OCIAD2: variants seen among roughly 807,000 people sequenced by gnomAD.
The protein encoded by OCIAD2 is OCIA domain-containing protein 2.
A neutral mutation model predicts 22.9 loss-of-function variants in OCIAD2; 29 were observed. The ratio of observed to expected loss-of-function variants is 1.27; its 90% CI spans 0.94 to 1.73. The LOEUF (loss-of-function observed/expected upper bound fraction) is 1.73, where lower values mean the gene tolerates loss of function less well. Among genes scored for constraint, OCIAD2 ranks in the 40% most tolerant of loss-of-function variants. OCIAD2 has a pLI of 0.00. For missense variants in OCIAD2, 189 were observed against 180.3 expected (o/e 1.05, Z -0.28); for synonymous variants, 67 against 60.2 (o/e 1.11, Z -0.52).
chr4:48,892,342 A>G (rs894632710), intron 6 of OCIAD2, among the ~76,000 whole-genome samples: 3 of 152,204 alleles, frequency 2.0e-5, no homozygotes, highest in African/African-American at 7.2e-5. Flanking sequence ...ACCAAGTACT[A>G]TAACAGCAGA....
rs1040446251 is a variant in OCIAD2, at chr4:48,906,680, G to C, written c.-85C>G. 1.3e-5 allele frequency: 2 copies of C among 152,504 alleles called. No homozygotes were observed. The highest frequency in any genetic ancestry group is 2.9e-5 in the Non-Finnish European group (2 of 68,306). 9.4% of individuals were successfully genotyped at this position (152,504 alleles called of 1,614,324 possible). A position where few individuals can be genotyped will look rare whatever the true frequency, so the allele number is the denominator to read the frequency against. On this transcript the variant is annotated 5_prime_UTR_variant, in exon 1 of 7. Transcript: ENST00000508632. ...CACCTGTGTGGTCTGGGTCGCCTCCGAGGCCGAGTCCCTCGTTGCCAAGCC... is the reference window on the plus strand; with the variant it reads ...CACCTGTGTGGTCTGGGTCGCCTCCCAGGCCGAGTCCCTCGTTGCCAAGCC...
chr4:48,888,540 C>T (rs891680812), intron 6 of OCIAD2, among the ~76,000 whole-genome samples: 1 of 152,126 alleles, frequency 6.6e-6, no homozygotes, highest in Non-Finnish European at 1.5e-5. Context: ...GAGTTTTTAG[C>T]ATGAAGGGCT....
At position 48,892,573 on chromosome 4, in the gene OCIAD2, T is replaced by C. The variant is rs191393730; in HGVS notation, c.383+199A>G. 2.1e-3 allele frequency among the ~76,000 whole-genome samples: 326 copies of C among 152,328 alleles called. 7 individuals are homozygous for C. The highest frequency in any genetic ancestry group is 1.6e-4 in the Non-Finnish European group (11 of 68,036). On this transcript the variant is annotated intron_variant, in intron 6 of 6. Coordinates refer to ENST00000508632, the MANE Select transcript of OCIAD2 (RefSeq NM_001014446.3). ...ACAGTAGATTCCCATTAAATATTTA[T>C]CAAACAAATGAAATTGGTAAGTAAG...
chr4:48,905,481 G>A (rs1781505271), intron 1 of OCIAD2, among the ~76,000 whole-genome samples: 2 of 151,886 alleles, frequency 1.3e-5, no homozygotes, highest in African/African-American at 2.4e-5. Flanking sequence ...GATACAGAGG[G>A]GAGGGAATTT....
At chr4:48,892,589 GGTAA>G (rs948847421) in intron 6 of OCIAD2, among the ~76,000 whole-genome samples, 179 bp downstream of exon 6, 2 of 152,068 alleles carry the variant, frequency 1.3e-5, no homozygotes, top group Non-Finnish European at 2.9e-5. Context: ...AAATGAAATT[GGTAA>G]GTAAGTGTAA....
chr4:48,885,413 A>C lies in OCIAD2; in HGVS notation c.*71T>G. ...TTCCATTAGAAGTATTTTATTTTAA[A>C]GTACACTTGAAATTTTAAATGTGTA... On this transcript the variant is annotated 3_prime_UTR_variant, in exon 7 of 7. Transcript: ENST00000508632. The C allele has an allele frequency of 2.4e-6, 2 of 829,336 alleles. No homozygotes were observed. The highest frequency in any genetic ancestry group is 4.2e-6 in the Non-Finnish European group (2 of 478,322). The allele number at this position is 829,336 out of a possible 1,614,324, so 51.4% of individuals were successfully genotyped here. A position where few individuals can be genotyped will look rare whatever the true frequency, so the allele number is the denominator to read the frequency against.
chr4:48,896,310 C>G (rs1781300499), intron 4 of OCIAD2, among the ~76,000 whole-genome samples: 1 of 152,046 alleles, frequency 6.6e-6, no homozygotes, highest in African/African-American at 2.4e-5. Flanking sequence ...GTAATCAAGG[C>G]TGGGTGTGAT....
At chr4:48,885,754 G>A (rs1780968168) in intron 6 of OCIAD2, among the ~76,000 whole-genome samples, 189 bp from the exon 7 acceptor site, 1 of 152,178 alleles carries the variant, frequency 6.6e-6, no homozygotes, top group Non-Finnish European at 1.5e-5. Context: ...TTGAGTAGCT[G>A]AGACTACAGG....
At chr4:48,898,529 AT>A (rs1781349307) in intron 3 of OCIAD2, among the ~76,000 whole-genome samples, 1 of 152,192 alleles carries the variant, frequency 6.6e-6, no homozygotes, top group South Asian at 2.1e-4. Flanking sequence ...CTTATACACA[AT>A]AGTTATTCAA....
At chr4:48,904,385 A>G in intron 2 of OCIAD2, 99 bp downstream of exon 2, 1 of 1,011,048 alleles carries the variant, frequency 9.9e-7, no homozygotes, top group Non-Finnish European at 1.6e-6. Context: ...GCAGTTCGAG[A>G]CTGCAGTGAG....
At chr4:48,905,291 C>T (rs1781501031) in intron 1 of OCIAD2, among the ~76,000 whole-genome samples, 1 of 151,886 alleles carries the variant, frequency 6.6e-6, no homozygotes, top group Non-Finnish European at 1.5e-5. Flanking sequence ...CAGGGGTAGG[C>T]TAGAGAGATG....
chr4:48,892,801 A>C lies in OCIAD2; in HGVS notation c.354T>G (p.Arg118=). Reference sequence around the variant, plus strand: ...TATGCTGTGGACCAAAACCAGCCCCACGGAGCTGATCTTCAAAAAAATGGA... The same window carrying C: ...TATGCTGTGGACCAAAACCAGCCCCCCGGAGCTGATCTTCAAAAAAATGGA... ...SKFHFFEDQL[R]GAGFGPQHNR... is the part of the protein sequence containing the mutation. Residue 118 remains arginine, a synonymous_variant, in exon 6 of 7, where the codon CGT becomes CGG. Transcript: ENST00000508632. 6.2e-7 allele frequency: 1 copy of C among 1,608,268 alleles called. No individual in the cohort carries two copies. Among genetic ancestry groups the C allele is most frequent in the Non-Finnish European group, 8.5e-7 (1 of 1,175,222 alleles).
At chr4:48,896,632 A>T (rs918071710) in intron 4 of OCIAD2, among the ~76,000 whole-genome samples, 11 of 151,988 alleles carry the variant, frequency 7.2e-5, no homozygotes, top group African/African-American at 2.7e-4. Flanking sequence ...CAAGATCCCC[A>T]TAAAGTCCTG....
intron 6 of OCIAD2, among the ~76,000 whole-genome samples, chr4:48,892,023 C>G (rs1483729106): frequency 1.3e-5 from 2 of 152,156 alleles, no homozygotes; most frequent in East Asian, 3.9e-4. Context: ...AGAAAAAGAA[C>G]TTGGGTGTTT....
At position 48,904,566 on chromosome 4, in the gene OCIAD2, C is replaced by A; in HGVS notation, c.-17G>T. 6.2e-7 allele frequency: 1 copy of A among 1,613,306 alleles called. No individual in the cohort carries two copies. The highest frequency in any genetic ancestry group is 8.5e-7 in the Non-Finnish European group (1 of 1,179,352). On this transcript the variant is annotated 5_prime_UTR_variant, in exon 2 of 7. Transcript: ENST00000508632. Reference sequence around the variant, plus strand: ...TGAAGCCATGATGACTTTGTGCTTGCTCTCCTTCCAGTTGTTTATCCTCTG... The same window carrying A: ...TGAAGCCATGATGACTTTGTGCTTGATCTCCTTCCAGTTGTTTATCCTCTG...
At chr4:48,902,243 T>C (rs1372974997) in intron 2 of OCIAD2, among the ~76,000 whole-genome samples, 1 of 152,220 alleles carries the variant, frequency 6.6e-6, no homozygotes, top group African/African-American at 2.4e-5. Context: ...GTGCTGATCT[T>C]GCCACTGTCT....
At chr4:48,887,963 C>T (rs1781041384) in intron 6 of OCIAD2, among the ~76,000 whole-genome samples, 1 of 152,124 alleles carries the variant, frequency 6.6e-6, no homozygotes, top group African/African-American at 2.4e-5. Context: ...ATTCTTCCTA[C>T]CCATGAGCAT....
chr4:48,885,464 G>A lies in OCIAD2; in HGVS notation c.*20C>T, dbSNP rs202013966. 48 of 1,467,352 alleles carry A rather than the reference G, an allele frequency of 3.3e-5. No homozygotes were observed. Among genetic ancestry groups the A allele is most frequent in the African/African-American group, 2.1e-4 (15 of 71,486 alleles). The allele number at this position is 1,467,352 out of a possible 1,614,324, so 90.9% of individuals were successfully genotyped here. A position where few individuals can be genotyped will look rare whatever the true frequency, so the allele number is the denominator to read the frequency against. ...CAAATTCAGAGGTTTAAAAAACTTC[G>A]AAAGTCACAGACACAGAATTTAGGA... On this transcript the variant is annotated 3_prime_UTR_variant, in exon 7 of 7. Coordinates refer to ENST00000508632, the MANE Select transcript of OCIAD2 (RefSeq NM_001014446.3).
chr4:48,900,893 C>T (rs1259498629), intron 2 of OCIAD2, among the ~76,000 whole-genome samples: 1 of 152,100 alleles, frequency 6.6e-6, no homozygotes, highest in Non-Finnish European at 1.5e-5. Flanking sequence ...TGATCCCAGC[C>T]TTGCGGTGTT....
Sources: allele counts gnomAD v4.1 joint callset (sites outside exome capture counted in the v4.1 genomes callset), GRCh38; gene constraint gnomAD v4.1.1; transcripts MANE v1.5; gene names NCBI Gene and HGNC (gene_info 2026-07-23, HGNC 2026-07-21).